Variants in SCAI observed in about 807,000 individuals in gnomAD.
SCAI encodes protein SCAI.
In SCAI, 24 loss-of-function variants were observed where a neutral mutation model predicts 92.2. The ratio of observed to expected loss-of-function variants is 0.26; its 90% CI spans 0.19 to 0.37. SCAI has a LOEUF of 0.37. Among genes scored for constraint, SCAI ranks in the 10% least tolerant of loss-of-function variants. The pLI is 1.00. For synonymous variants in SCAI, 261 were observed against 258.6 expected, an observed-to-expected ratio of 1.01 and a Z score of -0.09; for missense variants, 450 against 736.2, an observed-to-expected ratio of 0.61 and a Z score of 4.50.
At chr9:125,015,691 A>G (rs1157240639) in intron 9 of SCAI, among the ~76,000 whole-genome samples, 3 of 152,160 alleles carry the variant, frequency 2.0e-5, no homozygotes, top group African/African-American at 7.2e-5. Context: ...TATATACCCA[A>G]TGGACTATAA....
At chr9:125,129,392 G>T (rs1325668978) in intron 2 of SCAI, among the ~76,000 whole-genome samples, 1 of 145,646 alleles carries the variant, frequency 6.9e-6, no homozygotes, top group Non-Finnish European at 1.5e-5. Flanking sequence ...AGTGAGCCGA[G>T]ATCACGCAGA....
intron 3 of SCAI, among the ~76,000 whole-genome samples, chr9:125,030,492 T>G (rs1833052917): frequency 6.6e-6 from 1 of 152,182 alleles, no homozygotes; most frequent in African/African-American, 2.4e-5. Context: ...AAACACATCT[T>G]TACTGTAGGA....
chr9:125,092,361 G>A (rs1368417902), intron 2 of SCAI, among the ~76,000 whole-genome samples: 1 of 151,828 alleles, frequency 6.6e-6, no homozygotes, highest in South Asian at 2.1e-4. Flanking sequence ...GCTGAGACAG[G>A]AGAATAGCTT....
At chr9:125,040,495 C>A (rs970574307) in intron 3 of SCAI, among the ~76,000 whole-genome samples, 3 of 152,104 alleles carry the variant, frequency 2.0e-5, no homozygotes, top group Non-Finnish European at 2.9e-5. Flanking sequence ...AAGAATATAT[C>A]GGGTTTCTTT....
intron 14 of SCAI, among the ~76,000 whole-genome samples, 199 bp downstream of exon 14, chr9:124,994,735 T>C (rs980392959): frequency 2.0e-5 from 3 of 152,206 alleles, no homozygotes; most frequent in Admixed American, 6.5e-5. Flanking sequence ...TGAGTGTCCA[T>C]TCATGCGTTT....
At chr9:124,962,784 T>C (rs1831465903) in intron 17 of SCAI, among the ~76,000 whole-genome samples, 1 of 151,666 alleles carries the variant, frequency 6.6e-6, no homozygotes, top group Non-Finnish European at 1.5e-5. Context: ...TTATATATTG[T>C]TTTTTCTTTT....
At position 124,950,317 on chromosome 9, in the gene SCAI, G is replaced by C. The variant is rs1210626623; in HGVS notation, c.*2490C>G. ...GCCAACCTCTTCATTTTACAGATGA[G>C]AGTGCTAACAAGCAGAGACATGAAG... On this transcript the variant is annotated 3_prime_UTR_variant, in exon 18 of 18. Coordinates refer to ENST00000336505, the MANE Select transcript of SCAI (RefSeq NM_001144877.3). 6.6e-6 allele frequency: 1 copy of C among 152,084 alleles called. No individual in the cohort carries two copies. Among genetic ancestry groups the C allele is most frequent in the Non-Finnish European group, 1.5e-5 (1 of 68,038 alleles). The allele number at this position is 152,084 out of a possible 1,614,324, so 9.4% of individuals were successfully genotyped here. A position where few individuals can be genotyped will look rare whatever the true frequency, so the allele number is the denominator to read the frequency against.
At chr9:125,101,766 A>C (rs1834683168) in intron 2 of SCAI, among the ~76,000 whole-genome samples, 1 of 152,220 alleles carries the variant, frequency 6.6e-6, no homozygotes, top group Non-Finnish European at 1.5e-5. Context: ...ACTGAAGTAC[A>C]TCCTTTCCCC....
intron 2 of SCAI, among the ~76,000 whole-genome samples, chr9:125,083,441 C>T (rs1254498118): frequency 1.3e-5 from 2 of 151,444 alleles, no homozygotes; most frequent in African/African-American, 2.4e-5. Flanking sequence ...TTGCTTGAAC[C>T]CAGGAGGCGG....
chr9:124,991,351 CAAAAAA>C (rs34976572), intron 14 of SCAI, among the ~76,000 whole-genome samples: 8 of 40,228 alleles, frequency 2.0e-4, no homozygotes, highest in Admixed American at 1.3e-3. Flanking sequence ...AACTCCGTCT[CAAAAAA>C]AAAAAAAAAA....
chr9:125,123,784 G>GAAAC (rs947641487), intron 2 of SCAI, among the ~76,000 whole-genome samples: 7 of 152,230 alleles, frequency 4.6e-5, no homozygotes, highest in East Asian at 3.9e-4. Flanking sequence ...AAGAAACAAA[G>GAAAC]AAACAAACAA....
intron 2 of SCAI, among the ~76,000 whole-genome samples, chr9:125,079,801 G>A (rs1418029314): frequency 6.6e-6 from 1 of 152,024 alleles, no homozygotes; most frequent in Non-Finnish European, 1.5e-5. Context: ...ATGAGGAGAA[G>A]GCTGTAAGAA....
chr9:125,077,911 G>T (rs1004890044), intron 2 of SCAI, among the ~76,000 whole-genome samples: 1 of 151,822 alleles, frequency 6.6e-6, no homozygotes, highest in African/African-American at 2.4e-5. Context: ...TAGAGACAGT[G>T]TTTCACCATG....
chr9:125,011,463 C>A (rs901322513), intron 9 of SCAI, among the ~76,000 whole-genome samples: 1 of 151,882 alleles, frequency 6.6e-6, no homozygotes, highest in Non-Finnish European at 1.5e-5. Context: ...TGAAATGAAG[C>A]GAGAAGGGAA....
chr9:125,042,187 C>A (rs1236726174), intron 3 of SCAI, among the ~76,000 whole-genome samples: 3 of 152,136 alleles, frequency 2.0e-5, no homozygotes, highest in Non-Finnish European at 4.4e-5. Context: ...TAATCATATT[C>A]TTTTTTCCAA....
At chr9:125,057,194 A>G (rs1466115676) in intron 2 of SCAI, among the ~76,000 whole-genome samples, 2 of 152,250 alleles carry the variant, frequency 1.3e-5, no homozygotes, top group Non-Finnish European at 2.9e-5. Context: ...ATTTTAATAG[A>G]TGGACTGAAG....
At chr9:125,068,021 G>A (rs190513015) in intron 2 of SCAI, among the ~76,000 whole-genome samples, 1 of 152,312 alleles carries the variant, frequency 6.6e-6, no homozygotes, top group East Asian at 1.9e-4. Context: ...AATCTTGAGA[G>A]AAAATAATGT....
At chr9:124,996,194 C>A (rs1832235652) in intron 13 of SCAI, among the ~76,000 whole-genome samples, 2 of 86,800 alleles carry the variant, frequency 2.3e-5, no homozygotes, top group Admixed American at 3.7e-4. Context: ...CGTTACCCTT[C>A]GTGTGTGTGG....
At chr9:124,957,195 T>C (rs1333187736) in intron 17 of SCAI, among the ~76,000 whole-genome samples, 1 of 151,974 alleles carries the variant, frequency 6.6e-6, no homozygotes, top group Non-Finnish European at 1.5e-5. Flanking sequence ...GGTTTCACCA[T>C]GTTACCCAGC....
Sources: allele counts gnomAD v4.1 joint callset (sites outside exome capture counted in the v4.1 genomes callset), GRCh38; gene constraint gnomAD v4.1.1; transcripts MANE v1.5; gene names NCBI Gene and HGNC (gene_info 2026-07-23, HGNC 2026-07-21).